The following ASIC2 variants were observed in gnomAD, a reference collection of about 807,000 sequenced individuals.
ASIC2 encodes acid sensing ion channel subunit 2, also known as acid-sensing ion channel 2.
A neutral mutation model predicts 57.3 loss-of-function variants in ASIC2; 25 were observed. The observed-to-expected ratio is 0.44, with a 90% confidence interval of 0.32 to 0.61. The LOEUF (loss-of-function observed/expected upper bound fraction) is 0.61, where lower values mean the gene tolerates loss of function less well. Ranked by LOEUF, ASIC2 falls within the 20% of genes least tolerant of loss-of-function variation. The pLI, the probability that ASIC2 is intolerant of heterozygous loss-of-function variation, is 0.06. For missense variants in ASIC2, 641 were observed against 738.1 expected (o/e 0.87, Z 1.52); for synonymous variants, 319 against 307.5 (o/e 1.04, Z -0.39).
At chr17:33,915,014 A>C (rs1430060835) in intron 1 of ASIC2, among the ~76,000 whole-genome samples, 2 of 152,222 alleles carry the variant, frequency 1.3e-5, no homozygotes, top group East Asian at 3.9e-4. Flanking sequence ...CTGAAGGGTT[A>C]GCACCAAACA....
intron 1 of ASIC2, among the ~76,000 whole-genome samples, chr17:33,209,814 C>T (rs954393786): frequency 6.6e-6 from 1 of 152,154 alleles, no homozygotes; most frequent in Admixed American, 6.5e-5. Flanking sequence ...TTCCTGAATC[C>T]CCTGACCTCA....
At chr17:33,892,841 C>T (rs1012058589) in intron 1 of ASIC2, among the ~76,000 whole-genome samples, 5 of 152,130 alleles carry the variant, frequency 3.3e-5, no homozygotes, top group Admixed American at 1.3e-4. Flanking sequence ...GCCTGTGCTC[C>T]GCTGGTGACC....
intron 1 of ASIC2, among the ~76,000 whole-genome samples, chr17:33,341,533 C>T (rs965453104): frequency 5.9e-5 from 9 of 152,202 alleles, no homozygotes; most frequent in African/African-American, 1.9e-4. Context: ...GTGGTTGCAA[C>T]AGAGACCCCA....
intron 1 of ASIC2, among the ~76,000 whole-genome samples, chr17:33,447,557 T>C (rs1460890602): frequency 2.0e-5 from 3 of 152,108 alleles, no homozygotes; most frequent in Non-Finnish European, 2.9e-5. Context: ...AGGAAAGCAA[T>C]AGACCCAGCT....
intron 1 of ASIC2, among the ~76,000 whole-genome samples, chr17:33,914,537 G>A (rs1915543173): frequency 6.6e-6 from 1 of 152,218 alleles, no homozygotes; most frequent in Non-Finnish European, 1.5e-5. Flanking sequence ...TGCAGGAACA[G>A]GCTAAGGGGT....
intron 1 of ASIC2, among the ~76,000 whole-genome samples, chr17:33,372,385 T>C (rs1366715444): frequency 6.6e-6 from 1 of 152,054 alleles, no homozygotes; most frequent in Non-Finnish European, 1.5e-5. Context: ...TTTCCTCACC[T>C]AGGACATAGG....
At chr17:33,175,775 C>T (rs1055864441) in intron 1 of ASIC2, among the ~76,000 whole-genome samples, 15 of 152,154 alleles carry the variant, frequency 9.9e-5, no homozygotes, top group African/African-American at 1.4e-4. Context: ...ATCTCTTCCC[C>T]GGGAGGCTCC....
rs73984925 is a variant in ASIC2, at chr17:33,019,649, C to T, written c.1441+1570G>A. Among the ~76,000 whole-genome samples the T allele has an allele frequency of 5.7e-3, 871 of 152,068 alleles. 6 individuals are homozygous for T. Among genetic ancestry groups the T allele is most frequent in the African/African-American group, 0.02 (818 of 41,440 alleles). On this transcript the variant is annotated intron_variant, in intron 7 of 9. Coordinates refer to ENST00000225823, the MANE Select transcript of ASIC2 (RefSeq NM_183377.2). ...TGGCTGAGGGTTTGCAAGCGGCACA[C>T]GCTCTCATCACAGGAGGTCCAGATG...
At chr17:34,047,059 AAGGTCAG>A (rs767799576) in intron 1 of ASIC2, among the ~76,000 whole-genome samples, 37 of 152,266 alleles carry the variant, frequency 2.4e-4, no homozygotes, top group Admixed American at 5.2e-4. Flanking sequence ...TAGAAAACTA[AAGGTCAG>A]AGGTATTCAT....
At chr17:33,675,405 G>GATC (rs1907787884) in intron 1 of ASIC2, among the ~76,000 whole-genome samples, 1 of 152,104 alleles carries the variant, frequency 6.6e-6, no homozygotes, top group African/African-American at 2.4e-5. Flanking sequence ...CGGGCCCCGT[G>GATC]ATCAGCTCCA....
intron 1 of ASIC2, among the ~76,000 whole-genome samples, chr17:33,113,550 C>CA (rs1176020154): frequency 6.6e-6 from 1 of 152,196 alleles, no homozygotes; most frequent in African/African-American, 2.4e-5. Flanking sequence ...ATGGAGGCCA[C>CA]AGGGAGGCTC....
chr17:33,651,087 AAAG>A (rs141934680), intron 1 of ASIC2, among the ~76,000 whole-genome samples: 9,226 of 152,278 alleles, frequency 0.061, 270 homozygotes, highest in South Asian at 0.12. Context: ...TTTTAAAATT[AAAG>A]AAGAACAAAA....
At chr17:34,093,060 C>G (rs1027571698) in intron 1 of ASIC2, among the ~76,000 whole-genome samples, 1 of 152,134 alleles carries the variant, frequency 6.6e-6, no homozygotes, top group African/African-American at 2.4e-5. Flanking sequence ...CCTGCTGAAA[C>G]GTTTATTATT....
chr17:33,737,132 G>A (rs1048210680), intron 1 of ASIC2, among the ~76,000 whole-genome samples: 1 of 152,256 alleles, frequency 6.6e-6, no homozygotes, highest in Non-Finnish European at 1.5e-5. Flanking sequence ...CAAAAATGCT[G>A]CAACTCCCCC....
intron 1 of ASIC2, among the ~76,000 whole-genome samples, chr17:33,287,002 G>A (rs139143194): frequency 5.3e-4 from 81 of 152,320 alleles, no homozygotes; most frequent in Non-Finnish European, 1.1e-3. Flanking sequence ...TATATGAATA[G>A]TAATTATGAA....
At chr17:33,799,472 T>G (rs1051639264) in intron 1 of ASIC2, among the ~76,000 whole-genome samples, 1 of 144,340 alleles carries the variant, frequency 6.9e-6, no homozygotes, top group Admixed American at 7.1e-5. Context: ...CTTTCTTTCT[T>G]TCTTTCCTTC....
At chr17:33,441,511 T>G (rs1022855247) in intron 1 of ASIC2, among the ~76,000 whole-genome samples, 5 of 152,210 alleles carry the variant, frequency 3.3e-5, no homozygotes, top group African/African-American at 1.2e-4. Context: ...GTAAGTTTAT[T>G]GTTTTGTATT....
At chr17:33,257,064 A>G (rs1909108523) in intron 1 of ASIC2, among the ~76,000 whole-genome samples, 1 of 152,066 alleles carries the variant, frequency 6.6e-6, no homozygotes, top group South Asian at 2.1e-4. Flanking sequence ...CAAATGTGCT[A>G]CCTCCCATCC....
At chr17:34,035,447 A>G (rs904162833) in intron 1 of ASIC2, among the ~76,000 whole-genome samples, 191 of 148,858 alleles carry the variant, frequency 1.3e-3, no homozygotes, top group Non-Finnish European at 2.3e-3. Flanking sequence ...AAACCTCAGC[A>G]TTACTATTCA....
Sources: allele counts gnomAD v4.1 joint callset (sites outside exome capture counted in the v4.1 genomes callset), GRCh38; gene constraint gnomAD v4.1.1; transcripts MANE v1.5; gene names NCBI Gene and HGNC (gene_info 2026-07-23, HGNC 2026-07-21).